Variants in STK38L observed in about 807,000 individuals in gnomAD.
STK38L encodes the protein serine/threonine-protein kinase 38-like.
A neutral mutation model predicts 59.7 loss-of-function variants in STK38L; 28 were observed. That is an observed-to-expected ratio of 0.47 (90% CI 0.35 to 0.64). The LOEUF (loss-of-function observed/expected upper bound fraction) is 0.64. Ranked by LOEUF, STK38L falls within the 30% of genes least tolerant of loss-of-function variation. The probability of loss-of-function intolerance (pLI) is 0.01; values close to 1 mark genes in which losing one functional copy is unlikely to be tolerated. For missense variants in STK38L, 314 were observed against 555.8 expected (o/e 0.56, Z 4.37); for synonymous variants, 162 against 176.8 (o/e 0.92, Z 0.66).
intron 9 of STK38L, among the ~76,000 whole-genome samples, chr12:27,315,729 TG>T (rs1007069780): frequency 1.3e-5 from 2 of 152,292 alleles, no homozygotes; most frequent in African/African-American, 4.8e-5. Flanking sequence ...GCAAGTAAGG[TG>T]GTTGTGAGTT....
At chr12:27,300,596 C>G (rs1944143840) in intron 2 of STK38L, 1 of 455,870 alleles carries the variant, frequency 2.2e-6, no homozygotes, top group Admixed American at 2.3e-5. Flanking sequence ...ACTGAAGTGC[C>G]TAGGGGTAGG....
intron 1 of STK38L, among the ~76,000 whole-genome samples, chr12:27,275,231 C>T (rs1943508078): frequency 6.6e-6 from 1 of 152,010 alleles, no homozygotes; most frequent in Non-Finnish European, 1.5e-5. Flanking sequence ...TCCTTGCTGT[C>T]TCACACTACT....
chr12:27,306,079 T>C (rs1234202212), intron 3 of STK38L, among the ~76,000 whole-genome samples: 1 of 152,174 alleles, frequency 6.6e-6, no homozygotes, highest in Non-Finnish European at 1.5e-5. Flanking sequence ...AATGTAACAA[T>C]GTTATAGGTG....
At chr12:27,256,268 T>C (rs1449008839) in intron 1 of STK38L, among the ~76,000 whole-genome samples, 1 of 152,220 alleles carries the variant, frequency 6.6e-6, no homozygotes, top group Non-Finnish European at 1.5e-5. Flanking sequence ...TTAAAATTTC[T>C]AGTGACTCCC....
intron 9 of STK38L, among the ~76,000 whole-genome samples, chr12:27,316,859 T>C (rs1944597240): frequency 6.6e-6 from 1 of 152,236 alleles, no homozygotes; most frequent in African/African-American, 2.4e-5. Flanking sequence ...ATTATTATTC[T>C]AGTTTTATGT....
At chr12:27,245,709 C>G (rs1032935774) in intron 1 of STK38L, 1 of 151,830 alleles carries the variant, frequency 6.6e-6, no homozygotes, top group African/African-American at 2.4e-5. Context: ...AGAAGTTAGT[C>G]TAAAATATTA....
chr12:27,316,623 C>T (rs1944591197), intron 9 of STK38L, among the ~76,000 whole-genome samples: 1 of 152,086 alleles, frequency 6.6e-6, no homozygotes, highest in East Asian at 1.9e-4. Context: ...TTTGCCATGG[C>T]CCCAAGAGTA....
rs1944760987 is a variant in STK38L, at chr12:27,322,715, C to A, written c.*260C>A. The A allele has an allele frequency of 6.3e-6, 2 of 316,406 alleles. No homozygotes were observed. The allele number at this position is 316,406 out of a possible 1,614,324, so 19.6% of individuals were successfully genotyped here. On this transcript the variant is annotated 3_prime_UTR_variant, in exon 14 of 14. Coordinates refer to ENST00000389032, the MANE Select transcript of STK38L (RefSeq NM_015000.4). Reference sequence around the variant, plus strand: ...ACTGGAATAAAAGGAACAGACATCCCTTTCTAACTGCACTGCCTACATGCG... The same window carrying A: ...ACTGGAATAAAAGGAACAGACATCCATTTCTAACTGCACTGCCTACATGCG...
At chr12:27,249,661 A>G (rs1942930663) in intron 1 of STK38L, among the ~76,000 whole-genome samples, 1 of 152,158 alleles carries the variant, frequency 6.6e-6, no homozygotes, top group East Asian at 1.9e-4. Flanking sequence ...TAAATTCTTA[A>G]CAAGCTCTTT....
intron 2 of STK38L, among the ~76,000 whole-genome samples, chr12:27,301,410 C>T (rs1006912727): frequency 1.3e-5 from 2 of 152,166 alleles, no homozygotes; most frequent in Non-Finnish European, 2.9e-5. Context: ...AGGCGCCAGC[C>T]ACCATGCTCG....
At chr12:27,284,533 T>A (rs1943728418) in intron 1 of STK38L, among the ~76,000 whole-genome samples, 1 of 152,246 alleles carries the variant, frequency 6.6e-6, no homozygotes, top group South Asian at 2.1e-4. Context: ...ATTTGCAATC[T>A]TAGACCTGTA....
intron 10 of STK38L, 27 bp downstream of exon 10, chr12:27,317,480 A>C (rs1944613644): frequency 6.6e-7 from 1 of 1,507,102 alleles, no homozygotes; most frequent in Non-Finnish European, 9.1e-7. Flanking sequence ...ATTTATGTAC[A>C]AAATATATAC....
In STK38L at chr12:27,321,732, A is replaced by G. The variant is rs764750400; in HGVS notation, c.1176-411A>G. Among the ~76,000 whole-genome samples the G allele has an allele frequency of 1.4e-4, 22 of 152,304 alleles. 1 individual carries two copies. The highest frequency in any genetic ancestry group is 6.8e-3 in the Middle Eastern group (2 of 294). On this transcript the variant is annotated intron_variant, in intron 12 of 13. Coordinates refer to ENST00000389032, the MANE Select transcript of STK38L (RefSeq NM_015000.4). The stretch of plus-strand genomic sequence containing the variant: ...AAGACCTATTACTTGATAGCACAAG[A>G]GGGTGACTATAGTCAATAATAATTG...
At chr12:27,259,995 A>T (rs1331457851) in intron 1 of STK38L, among the ~76,000 whole-genome samples, 3 of 152,146 alleles carry the variant, frequency 2.0e-5, no homozygotes, top group Non-Finnish European at 4.4e-5. Context: ...TCTGTTTCTT[A>T]TATCAAGTTT....
chr12:27,251,989 T>A (rs1473532205), intron 1 of STK38L, among the ~76,000 whole-genome samples: 1 of 151,262 alleles, frequency 6.6e-6, no homozygotes, highest in African/African-American at 2.4e-5. Context: ...CAGTAGCACT[T>A]TTTTTTTTGA....
intron 1 of STK38L, among the ~76,000 whole-genome samples, chr12:27,272,939 T>C (rs914685429): frequency 1.3e-5 from 2 of 152,094 alleles, no homozygotes; most frequent in Non-Finnish European, 2.9e-5. Context: ...GTAAAACACA[T>C]GAAGAAATAC....
At chr12:27,248,673 C>T (rs1038339062) in intron 1 of STK38L, among the ~76,000 whole-genome samples, 1 of 152,052 alleles carries the variant, frequency 6.6e-6, no homozygotes, top group African/African-American at 2.4e-5. Flanking sequence ...TCTCTGTGAA[C>T]GAATATAAGT....
intron 1 of STK38L, among the ~76,000 whole-genome samples, chr12:27,252,627 C>G (rs1383255544): frequency 6.6e-6 from 1 of 152,200 alleles, no homozygotes; most frequent in Non-Finnish European, 1.5e-5. Flanking sequence ...CAACAGCGAT[C>G]CATTTCATTT....
Position 27,323,725 on chromosome 12 carries a change from CA to C in STK38L, c.*1271del, listed in dbSNP as rs1349815978. ...TGGAATTAAGGAAGTAAATGCAGGC[CA>C]GGGGGTTGTGATGAGAGGATAGGGG... On this transcript the variant is annotated 3_prime_UTR_variant, in exon 14 of 14. Coordinates refer to ENST00000389032, the MANE Select transcript of STK38L (RefSeq NM_015000.4). The C allele has an allele frequency of 5.9e-5, 9 of 152,574 alleles. No individual in the cohort carries two copies. Among genetic ancestry groups the C allele is most frequent in the South Asian group, 2.1e-4 (1 of 4,822 alleles). 9.5% of individuals were successfully genotyped at this position (152,574 alleles called of 1,614,324 possible). A position where few individuals can be genotyped will look rare whatever the true frequency, so the allele number is the denominator to read the frequency against.
Sources: allele counts gnomAD v4.1 joint callset (sites outside exome capture counted in the v4.1 genomes callset), GRCh38; gene constraint gnomAD v4.1.1; transcripts MANE v1.5; gene names NCBI Gene and HGNC (gene_info 2026-07-23, HGNC 2026-07-21).